NRN1: variants seen among roughly 807,000 people sequenced by gnomAD.
The protein encoded by NRN1 is neuritin.
A neutral mutation model predicts 15.0 loss-of-function variants in NRN1; 4 were observed. That is an observed-to-expected ratio of 0.27 (90% CI 0.13 to 0.61). The LOEUF (loss-of-function observed/expected upper bound fraction) is 0.61, where lower values mean the gene tolerates loss of function less well. Among genes scored for constraint, NRN1 ranks in the 20% least tolerant of loss-of-function variants. The pLI is 0.87. For synonymous variants in NRN1, 85 were observed against 79.8 expected, an observed-to-expected ratio of 1.07 and a Z score of -0.35; for missense variants, 134 against 181.9, an observed-to-expected ratio of 0.74 and a Z score of 1.51.
At position 5,998,782 on chromosome 6, in the gene NRN1, G is replaced by A. The variant is rs1281406062; in HGVS notation, c.*194C>T. The A allele has an allele frequency of 3.4e-6, 2 of 592,850 alleles. No individual in the cohort carries two copies. Among genetic ancestry groups the A allele is most frequent in the East Asian group, 2.8e-5 (1 of 35,836 alleles). The allele number at this position is 592,850 out of a possible 1,614,324, so 36.7% of individuals were successfully genotyped here. On this transcript the variant is annotated 3_prime_UTR_variant, in exon 3 of 3. Transcript: ENST00000244766. ...GCTGTGCTTGCTTGCTCACTGATTG[G>A]TAACATTTGGCAAATAAAACACAAG...
chr6:6,006,971 G>A (rs1172493165), upstream of NRN1: 1 of 373,470 alleles, frequency 2.7e-6, no homozygotes, highest in Non-Finnish European at 5.0e-6. Flanking sequence ...GAGGGGGGGG[G>A]GAGAGCTGGG....
In NRN1 at chr6:6,003,971, C is replaced by T. The variant is rs557122563; in HGVS notation, c.56-1474G>A. On this transcript the variant is annotated intron_variant, in intron 1 of 2. Coordinates refer to ENST00000244766, the MANE Select transcript of NRN1 (RefSeq NM_016588.3). Reference sequence around the variant, plus strand: ...CCCGGGAGGACCGGACACCTCAATCCCCCGGCCCCCAACGCGGGCGCCTGT... The same window carrying T: ...CCCGGGAGGACCGGACACCTCAATCTCCCGGCCCCCAACGCGGGCGCCTGT... 1.1e-5 allele frequency: 14 copies of T among 1,222,114 alleles called. No homozygotes were observed. The South Asian group carries it at 4.3e-4, about 37-fold the overall frequency. 75.7% of individuals were successfully genotyped at this position (1,222,114 alleles called of 1,614,324 possible).
chr6:6,002,288 C>T (rs1363559337), intron 2 of NRN1, 65 bp downstream of exon 2: 2 of 1,572,638 alleles, frequency 1.3e-6, no homozygotes, highest in Admixed American at 1.7e-5. Context: ...CGGGGAGGCT[C>T]GGCACTCTCC....
chr6:6,003,114 G>T, intron 1 of NRN1: 1 of 1,009,618 alleles, frequency 9.9e-7, no homozygotes, highest in South Asian at 5.0e-5. Flanking sequence ...ATAGTCCCTG[G>T]AAGCCACCAG....
chr6:6,007,275 T>TC, upstream of NRN1, among the ~76,000 whole-genome samples: 1 of 148,892 alleles, frequency 6.7e-6, no homozygotes. Flanking sequence ...GAACAGGGGC[T>TC]CCCCCTCCCT....
At chr6:6,005,738 T>C (rs186946633) in intron 1 of NRN1, among the ~76,000 whole-genome samples, 3 of 152,346 alleles carry the variant, frequency 2.0e-5, no homozygotes, top group Admixed American at 2.0e-4. Context: ...AATAACCTGC[T>C]TCACTTTCAC....
intron 2 of NRN1, 148 bp from the exon 3 acceptor site, chr6:5,999,352 C>T: frequency 1.5e-6 from 1 of 665,506 alleles, no homozygotes; most frequent in Non-Finnish European, 2.6e-6. Context: ...GCCCTGGCGC[C>T]TGGCCTGCGC....
chr6:6,006,921 AAGAGAGAGAGAGAGAGAAAGAGAG>A (rs1377821129), exon 1 of NRN1: 26 of 352,906 alleles, frequency 7.4e-5, 1 homozygote, highest in Non-Finnish European at 2.2e-5. Flanking sequence ...AAGAGACAGA[AAGAGAGAGAGAGAGAGAAAGAGAG>A]AGAGAGAGAG....
chr6:6,000,748 T>TTTTTTTTTTTA (rs1554145373), intron 2 of NRN1, among the ~76,000 whole-genome samples: 3,297 of 98,940 alleles, frequency 0.033, 507 homozygotes, highest in Non-Finnish European at 0.043. Context: ...TTTTTTTTTT[T>TTTTTTTTTTTA]ATGTACGCCC....
rs140782954 is a variant in NRN1, at chr6:6,004,971, C to T, written c.55+1724G>A. 3.2e-3 allele frequency among the ~76,000 whole-genome samples: 483 copies of T among 151,656 alleles called. 3 individuals carry two copies. The highest frequency in any genetic ancestry group is 4.1e-3 in the Admixed American group (63 of 15,248). On this transcript the variant is annotated intron_variant, in intron 1 of 2. Transcript: ENST00000244766. The stretch of plus-strand genomic sequence containing the variant: ...CAAATGTCAATGATTTGGGACAGCT[C>T]CCAGCCGTGAATTAATAAAGACCGA...
intron 1 of NRN1, among the ~76,000 whole-genome samples, chr6:6,005,759 C>T (rs115768444): frequency 0.016 from 2,498 of 152,272 alleles, 21 homozygotes; most frequent in Non-Finnish European, 0.025. Context: ...TTTTAGGCCA[C>T]GTTAATTAAT....
At chr6:6,003,355 C>T (rs1255712545) in intron 1 of NRN1, 1 of 777,996 alleles carries the variant, frequency 1.3e-6, no homozygotes, top group African/African-American at 1.8e-5. Context: ...AATCCACGAA[C>T]CTCGGGCCTC....
intron 2 of NRN1, among the ~76,000 whole-genome samples, chr6:6,000,709 T>G (rs186044861): frequency 2.0e-3 from 289 of 146,172 alleles, no homozygotes; most frequent in Non-Finnish European, 3.5e-3. Context: ...TGCTAAAGGA[T>G]GCCTAAATTG....
At chr6:6,003,260 G>T (rs1415266504) in intron 1 of NRN1, 4 of 1,234,358 alleles carry the variant, frequency 3.2e-6, no homozygotes, top group Non-Finnish European at 4.0e-6. Flanking sequence ...GACCTGGCGC[G>T]GATGATGAGT....
At chr6:6,003,605 AG>A in intron 1 of NRN1, 2 of 756,414 alleles carry the variant, frequency 2.6e-6, no homozygotes, top group Admixed American at 4.3e-5. Flanking sequence ...GAGGAGGAGG[AG>A]GAAACACAGG....
chr6:6,002,305 A>T, intron 2 of NRN1, 48 bp downstream of exon 2: 2 of 1,603,926 alleles, frequency 1.2e-6, no homozygotes, highest in Non-Finnish European at 1.7e-6. Flanking sequence ...CTCCGACCTC[A>T]GTAGCGCCCC....
intron 1 of NRN1, among the ~76,000 whole-genome samples, chr6:6,005,428 C>T (rs1038587132): frequency 1.3e-5 from 2 of 152,214 alleles, no homozygotes; most frequent in African/African-American, 4.8e-5. Flanking sequence ...CACTCACACA[C>T]TCTAAAATCT....
intron 1 of NRN1, among the ~76,000 whole-genome samples, chr6:6,006,147 G>A (rs1340036603): frequency 1.3e-5 from 2 of 152,122 alleles, no homozygotes. Context: ...CTCTCGATTT[G>A]CCCACCAGCC....
rs1430456004 is a variant in NRN1, at chr6:5,999,102, G to C, written c.303C>G (p.Leu101=). 1 of 1,614,180 alleles carries C rather than the reference G, an allele frequency of 6.2e-7. No homozygotes were observed. The highest frequency in any genetic ancestry group is 1.7e-5 in the Admixed American group (1 of 60,032). Residue 101 remains leucine, a synonymous_variant, in exon 3 of 3, where the codon CTC becomes CTG. Transcript: ENST00000244766. Reference sequence around the variant, plus strand: ...GTTCGAATAAGCTGCCTTGGATGTTGAGGTTTTTGGATTCTTTTCTCAGTT... The same window carrying C: ...GTTCGAATAAGCTGCCTTGGATGTTCAGGTTTTTGGATTCTTTTCTCAGTT... ...WDKLRKESKN[L]NIQGSLFELC...
Sources: allele counts gnomAD v4.1 joint callset (sites outside exome capture counted in the v4.1 genomes callset), GRCh38; gene constraint gnomAD v4.1.1; transcripts MANE v1.5; gene names NCBI Gene and HGNC (gene_info 2026-07-23, HGNC 2026-07-21).